Variants in MCF2L2 observed in about 807,000 individuals in gnomAD.
The protein encoded by MCF2L2 is probable guanine nucleotide exchange factor MCF2L2.
Under a neutral mutation model 150.2 loss-of-function variants are expected in MCF2L2, and 102 were observed. The ratio of observed to expected loss-of-function variants is 0.68; its 90% CI spans 0.58 to 0.80. The LOEUF is 0.80. MCF2L2 is among the 30% of genes least tolerant of loss of function. The pLI is 0.00. For synonymous variants in MCF2L2, 465 were observed against 491.3 expected (o/e 0.95, Z 0.71); for missense variants, 1,256 against 1,372.8 (o/e 0.91, Z 1.34).
At chr3:183,293,822 A>C (rs1728302976) in intron 13 of MCF2L2, among the ~76,000 whole-genome samples, 1 of 152,090 alleles carries the variant, frequency 6.6e-6, no homozygotes, top group Admixed American at 6.5e-5. Flanking sequence ...ATAGAAATCT[A>C]TTCCTATTCT....
intron 3 of MCF2L2, among the ~76,000 whole-genome samples, chr3:183,351,189 A>AAT (rs1731100927): frequency 8.4e-5 from 5 of 59,860 alleles, no homozygotes; most frequent in African/African-American, 1.9e-4. Context: ...TATTTTCTTA[A>AAT]GTATATATAT....
rs1466309757 is a variant in MCF2L2 at position 183,300,163 on chromosome 3, C to A, written c.1147G>T (p.Val383Phe). 1.2e-6 allele frequency: 2 copies of A among 1,610,440 alleles called. No individual in the cohort carries two copies. Among genetic ancestry groups the A allele is most frequent in the Non-Finnish European group, 1.7e-6 (2 of 1,179,200 alleles). Residue 383 changes from valine to phenylalanine, a missense_variant, in exon 11 of 30, where the codon GTT (valine) becomes TTT (phenylalanine). Physicochemically the swap from Val to Phe is conservative, Grantham distance 50. Coordinates refer to ENST00000328913, the MANE Select transcript of MCF2L2 (RefSeq NM_015078.4). ...TGGCTTTGGATGAGCTGGTCCCCAA[C>A]CAGTGCCAGCAGCTGGGCCTTTTCC... ...PLEKAQLLAL[V>F]GDQLIQSHHY...
At chr3:183,423,899 G>A (rs777590016) in intron 1 of MCF2L2, among the ~76,000 whole-genome samples, 2 of 151,366 alleles carry the variant, frequency 1.3e-5, no homozygotes, top group African/African-American at 4.9e-5. Flanking sequence ...TGGGATTACA[G>A]GTGTGAGCCA....
chr3:183,349,171 T>C (rs1054278229), intron 3 of MCF2L2, among the ~76,000 whole-genome samples: 4 of 152,246 alleles, frequency 2.6e-5, no homozygotes, highest in Admixed American at 2.0e-4. Context: ...TATTCCTCTC[T>C]TTTCTATTTC....
chr3:183,295,409 A>T lies in MCF2L2; in HGVS notation c.1566T>A (p.Ser522Arg), dbSNP rs1728440574. The change falls in exon 13 of 30, where the codon AGT becomes AGA. Residue 522 changes from serine to arginine, a missense_variant. Coordinates refer to ENST00000328913, the MANE Select transcript of MCF2L2 (RefSeq NM_015078.4). ...VQEIFHKRQV[S>R]LMKLAAKQTR... The stretch of plus-strand genomic sequence containing the variant: ...TCTGTTTGGCTGCCAGTTTCATCAG[A>T]CTCACTTGCCTCTTGTGAAATATTT... 6.2e-7 allele frequency: 1 copy of T among 1,613,948 alleles called. No homozygotes were observed. The highest frequency in any genetic ancestry group is 8.5e-7 in the Non-Finnish European group (1 of 1,179,948).
intron 3 of MCF2L2, among the ~76,000 whole-genome samples, chr3:183,358,260 G>A (rs1361851573): frequency 1.3e-5 from 2 of 151,902 alleles, no homozygotes; most frequent in African/African-American, 2.4e-5. Flanking sequence ...ACCATTGCAC[G>A]CCAGCCTGGG....
At position 183,406,529 on chromosome 3, in the gene MCF2L2, TC is replaced by T. The variant is rs1305869585; in HGVS notation, c.77-16751del. 2.2e-4 allele frequency among the ~76,000 whole-genome samples: 34 copies of T among 152,124 alleles called. 1 individual carries two copies. Among genetic ancestry groups the T allele is most frequent in the Non-Finnish European group, 3.8e-4 (26 of 68,014 alleles). ...TTGAGACAGAGTTTTGCTCTTGTTG[TC>T]CAGGCTGGAGTGCAGTAGCACAATC... On this transcript the variant is annotated intron_variant, in intron 1 of 29. Transcript: ENST00000328913.
intron 1 of MCF2L2, 26 bp downstream of exon 1, chr3:183,427,876 G>A (rs751933655): frequency 2.5e-6 from 4 of 1,604,964 alleles, no homozygotes; most frequent in Non-Finnish European, 2.6e-6. Context: ...TTAATAAAAC[G>A]CAGGAAAAAT....
rs1349320106 is a variant in MCF2L2 at position 183,276,879 on chromosome 3, G to T, written c.1855C>A (p.Pro619Thr). ...ACGGATGTGCAGTCTTACCTGCGGG[G>T]GGAAAGGTCTCCGAGCCTGGCCTGC... ...EQQARLGDLS[P>T]RRRIIRDLLE... Residue 619 changes from proline (P) to threonine (T), a missense_variant, in exon 15 of 30, where the codon CCC (proline) becomes ACC (threonine). Transcript: ENST00000328913. 1 of 1,608,132 alleles carries T rather than the reference G, an allele frequency of 6.2e-7. No homozygotes were observed. Among genetic ancestry groups the T allele is most frequent in the Non-Finnish European group, 8.5e-7 (1 of 1,176,866 alleles).
At chr3:183,413,749 C>T (rs2108625080) in intron 1 of MCF2L2, among the ~76,000 whole-genome samples, 1 of 152,302 alleles carries the variant, frequency 6.6e-6, no homozygotes, top group South Asian at 2.1e-4. Flanking sequence ...AATCAGCTTG[C>T]CTGAACTTGG....
chr3:183,353,597 A>G (rs889446414), intron 3 of MCF2L2, among the ~76,000 whole-genome samples: 4 of 152,068 alleles, frequency 2.6e-5, no homozygotes, highest in African/African-American at 9.7e-5. Flanking sequence ...GAGCAGGAGG[A>G]AGAGAGTGAG....
At chr3:183,245,521 G>C (rs1724211951) in intron 15 of MCF2L2, among the ~76,000 whole-genome samples, 1 of 152,126 alleles carries the variant, frequency 6.6e-6, no homozygotes, top group Admixed American at 6.5e-5. Context: ...GGCCAGGGGA[G>C]GTATAGGAGA....
At position 183,276,897 on chromosome 3, in the gene MCF2L2, T is replaced by C. The variant is rs1176088655; in HGVS notation, c.1837A>G (p.Arg613Gly). 6.8e-6 allele frequency: 11 copies of C among 1,611,136 alleles called. No homozygotes were observed. Among genetic ancestry groups the C allele is most frequent in the African/African-American group, 4.0e-5 (3 of 75,016 alleles). Reference protein sequence around the residue: ...RGNPELEQQARLGDLSPRRRI... With the variant: ...RGNPELEQQAGLGDLSPRRRI... ...CTGCGGGGGGAAAGGTCTCCGAGCC[T>C]GGCCTGCTGCTCCAGCTCAGGGTTC... Residue 613 changes from arginine to glycine, a missense_variant, in exon 15 of 30, where the codon AGG (arginine) becomes GGG (glycine). Physicochemically the swap from Arg to Gly is moderately radical, Grantham distance 125. Transcript: ENST00000328913.
intron 21 of MCF2L2, among the ~76,000 whole-genome samples, chr3:183,216,483 TG>T (rs1174758929): frequency 7.1e-6 from 1 of 140,168 alleles, no homozygotes; most frequent in Non-Finnish European, 1.5e-5. Flanking sequence ...TATAATTATA[TG>T]TTTATATATT....
intron 9 of MCF2L2, chr3:183,310,546 C>T (rs149172142): frequency 1.3e-3 from 368 of 276,482 alleles, no homozygotes; most frequent in Admixed American, 3.9e-3. Context: ...GCCTGTAATT[C>T]CAGCTACTTG....
chr3:183,403,486 A>G (rs1714880045), intron 1 of MCF2L2, among the ~76,000 whole-genome samples: 1 of 152,212 alleles, frequency 6.6e-6, no homozygotes. Context: ...GAGCTTGGAA[A>G]GTAGAAGAGG....
At position 183,379,383 on chromosome 3, in the gene MCF2L2, G is replaced by A. The variant is rs1713383896; in HGVS notation, c.189C>T (p.Ile63=). 5.0e-6 allele frequency: 8 copies of A among 1,610,786 alleles called. No individual in the cohort carries two copies. The highest frequency in any genetic ancestry group is 6.8e-6 in the Non-Finnish European group (8 of 1,178,712). ...ACCCCGAAAACTCTGGGAACGTGAT[G>A]ATGGGGGCGCCATCCTCCCCTCGGC... is the stretch of plus-strand genomic sequence containing the variant. ...SGGRGEDGAP[I]ITFPEFSGFK... is the part of the protein sequence containing the mutation. The change falls in exon 3 of 30, where the codon ATC becomes ATT. Residue 63 remains isoleucine, a synonymous_variant. Coordinates refer to ENST00000328913, the MANE Select transcript of MCF2L2 (RefSeq NM_015078.4).
At chr3:183,426,546 C>T (rs56147102) in intron 1 of MCF2L2, among the ~76,000 whole-genome samples, 43,636 of 152,116 alleles carry the variant, frequency 0.29, 7,147 homozygotes, top group African/African-American at 0.44. Context: ...AACCTGAGGT[C>T]GAATGACTTG....
intron 7 of MCF2L2, among the ~76,000 whole-genome samples, chr3:183,314,740 A>C (rs1340522860): frequency 6.6e-6 from 1 of 150,872 alleles, no homozygotes; most frequent in Non-Finnish European, 1.5e-5. Flanking sequence ...ATCTTATAAT[A>C]GTTTTTCACT....
Sources: gnomAD v4.1 joint callset for allele counts (sites outside exome capture counted in the v4.1 genomes callset) on GRCh38, gnomAD v4.1.1 for gene constraint, MANE v1.5 for transcripts, NCBI Gene and HGNC (gene_info 2026-07-23, HGNC 2026-07-21) for gene names.